Variants in NFIA observed in about 807,000 individuals in gnomAD.
NFIA encodes nuclear factor 1 A-type.
Under a neutral mutation model 62.8 loss-of-function variants are expected in NFIA, and 8 were observed. The observed-to-expected ratio is 0.13, with a 90% CI of 0.07 to 0.23. The LOEUF is 0.23. Among genes scored for constraint, NFIA ranks in the 10% least tolerant of loss-of-function variants. The pLI is 1.00. For synonymous variants in NFIA, 235 were observed against 238.1 expected (o/e 0.99, Z 0.12); for missense variants, 410 against 642.1 (o/e 0.64, Z 3.91).
intron 6 of NFIA, among the ~76,000 whole-genome samples, chr1:61,369,587 C>G (rs1054177821): frequency 2.0e-5 from 3 of 151,934 alleles, no homozygotes; most frequent in African/African-American, 7.3e-5. Context: ...TTACTTCCTG[C>G]GTTCTATCAT....
At chr1:61,185,256 AAGAT>A (rs1258860628) in intron 2 of NFIA, among the ~76,000 whole-genome samples, 4 of 152,206 alleles carry the variant, frequency 2.6e-5, no homozygotes, top group Non-Finnish European at 5.9e-5. Context: ...GACGTTAAAG[AAGAT>A]AGGTAGTAGT....
At chr1:61,264,662 A>C (rs1304230006) in intron 2 of NFIA, among the ~76,000 whole-genome samples, 23 of 106,560 alleles carry the variant, frequency 2.2e-4, no homozygotes, top group African/African-American at 8.1e-4. Flanking sequence ...ACAAAAAAAA[A>C]AAAAAAAAAA....
intron 2 of NFIA, among the ~76,000 whole-genome samples, chr1:61,271,737 C>T (rs1308787058): frequency 6.6e-6 from 1 of 152,214 alleles, no homozygotes; most frequent in Non-Finnish European, 1.5e-5. Flanking sequence ...CTCCCCATCT[C>T]CCTTCGATAA....
At chr1:61,388,763 A>G (rs180974854) in intron 7 of NFIA, among the ~76,000 whole-genome samples, 36 of 152,318 alleles carry the variant, frequency 2.4e-4, no homozygotes, top group African/African-American at 6.7e-4. Context: ...TGAAAGTAAC[A>G]GAATATCTGA....
intron 6 of NFIA, among the ~76,000 whole-genome samples, chr1:61,363,371 G>A (rs983915988): frequency 2.6e-5 from 4 of 152,148 alleles, no homozygotes; most frequent in African/African-American, 9.7e-5. Context: ...TTGGGAGGCC[G>A]AGGTGGACGG....
intron 10 of NFIA, among the ~76,000 whole-genome samples, chr1:61,436,915 A>G (rs1425957202): frequency 1.3e-5 from 2 of 152,226 alleles, no homozygotes; most frequent in East Asian, 1.9e-4. Flanking sequence ...AATGAGTCAC[A>G]TGAGCTTGTG....
At chr1:61,280,990 T>C (rs1481742975) in intron 3 of NFIA, among the ~76,000 whole-genome samples, 2 of 152,142 alleles carry the variant, frequency 1.3e-5, no homozygotes, top group Non-Finnish European at 2.9e-5. Context: ...ACGCCTATAA[T>C]CCCAGCACTT....
chr1:61,364,351 A>G (rs1450991844), intron 6 of NFIA, among the ~76,000 whole-genome samples: 7 of 152,206 alleles, frequency 4.6e-5, no homozygotes, highest in African/African-American at 1.4e-4. Flanking sequence ...CATCCATAAC[A>G]GTGTCTAGCA....
At chr1:61,149,018 C>T (rs960649904) in intron 2 of NFIA, among the ~76,000 whole-genome samples, 5 of 151,766 alleles carry the variant, frequency 3.3e-5, no homozygotes, top group Non-Finnish European at 7.4e-5. Context: ...TGCATGCCAC[C>T]ATGCCTGGTT....
intron 9 of NFIA, 80 bp from the exon 10 acceptor site, chr1:61,426,385 C>G (rs1041777634): frequency 1.6e-5 from 15 of 951,246 alleles, no homozygotes; most frequent in South Asian, 1.1e-4. Flanking sequence ...TGCGTCGGCT[C>G]GGAGACTGTG....
chr1:61,298,967 A>G (rs905783724), intron 3 of NFIA, among the ~76,000 whole-genome samples: 1 of 152,156 alleles, frequency 6.6e-6, no homozygotes, highest in African/African-American at 2.4e-5. Context: ...CATACTGCTC[A>G]CTTGTGTTTG....
chr1:61,222,774 T>C (rs373582071), intron 2 of NFIA, among the ~76,000 whole-genome samples: 7 of 152,236 alleles, frequency 4.6e-5, no homozygotes, highest in Middle Eastern at 3.4e-3. Context: ...ATGTAAGATA[T>C]GTATATCTCC....
intron 2 of NFIA, among the ~76,000 whole-genome samples, chr1:61,254,118 T>TA (rs1656226583): frequency 6.6e-6 from 1 of 152,226 alleles, no homozygotes; most frequent in Admixed American, 6.5e-5. Flanking sequence ...TGTTCCATCT[T>TA]ACGTCATTTG....
chr1:61,203,587 C>T (rs1652679549), intron 2 of NFIA, among the ~76,000 whole-genome samples: 1 of 152,056 alleles, frequency 6.6e-6, no homozygotes, highest in Middle Eastern at 3.2e-3. Context: ...TTCTTTTGTC[C>T]AGCCTTCCTT....
At chr1:61,215,159 G>A (rs757524990) in intron 2 of NFIA, among the ~76,000 whole-genome samples, 71 of 152,224 alleles carry the variant, frequency 4.7e-4, no homozygotes, top group Middle Eastern at 6.8e-3. Context: ...TTTTAATGAA[G>A]ATATTAAAAA....
At chr1:61,407,430 C>G (rs1330021207) in intron 9 of NFIA, among the ~76,000 whole-genome samples, 1 of 152,188 alleles carries the variant, frequency 6.6e-6, no homozygotes, top group Non-Finnish European at 1.5e-5. Flanking sequence ...GGAATGATTA[C>G]TTGAACTAGA....
chr1:61,123,401 G>A (rs1255621926), intron 2 of NFIA, among the ~76,000 whole-genome samples: 4 of 152,202 alleles, frequency 2.6e-5, no homozygotes, highest in Non-Finnish European at 4.4e-5. Flanking sequence ...ATTTATTTGA[G>A]ATGATTCAAG....
intron 10 of NFIA, among the ~76,000 whole-genome samples, chr1:61,439,906 C>T (rs1037794821): frequency 6.6e-6 from 1 of 152,142 alleles, no homozygotes; most frequent in Admixed American, 6.5e-5. Flanking sequence ...GTTAAGTGCA[C>T]ATCTTTGAAA....
At chr1:61,213,216 T>C (rs1653379079) in intron 2 of NFIA, among the ~76,000 whole-genome samples, 1 of 152,242 alleles carries the variant, frequency 6.6e-6, no homozygotes, top group South Asian at 2.1e-4. Flanking sequence ...AGTGGTTTCA[T>C]ATACTTTGAT....
Sources: gnomAD v4.1 joint callset for allele counts (sites outside exome capture counted in the v4.1 genomes callset) on GRCh38, gnomAD v4.1.1 for gene constraint, MANE v1.5 for transcripts, NCBI Gene and HGNC (gene_info 2026-07-23, HGNC 2026-07-21) for gene names.